Variants in CRACR2A observed in about 807,000 individuals in gnomAD.
The protein encoded by CRACR2A is EF-hand calcium-binding domain-containing protein 4B.
Under a neutral mutation model 90.5 loss-of-function variants are expected in CRACR2A, and 79 were observed. The observed-to-expected ratio is 0.87, with a 90% CI of 0.73 to 1.05. CRACR2A has a LOEUF of 1.05. CRACR2A is among the 50% of genes least tolerant of loss of function. The pLI is 0.00. For missense variants in CRACR2A, 823 were observed against 897.2 expected (o/e 0.92, Z 1.06); for synonymous variants, 338 against 356.7 (o/e 0.95, Z 0.59).
intron 6 of CRACR2A, 107 bp from the exon 7 acceptor site, chr12:3,673,699 C>T (rs1421646114): frequency 1.1e-5 from 15 of 1,405,574 alleles, no homozygotes; most frequent in Middle Eastern, 2.6e-4. Context: ...CCGTCAGAAT[C>T]ATTATAAAGA....
At chr12:3,654,819 T>C (rs1944868528) in intron 9 of CRACR2A, among the ~76,000 whole-genome samples, 1 of 152,216 alleles carries the variant, frequency 6.6e-6, no homozygotes. Context: ...CATAAAACCA[T>C]CCTTCCCAAT....
At chr12:3,659,699 C>A in intron 7 of CRACR2A, 45 bp from the exon 8 acceptor site, 2 of 1,496,506 alleles carry the variant, frequency 1.3e-6, no homozygotes, top group South Asian at 1.1e-5. Flanking sequence ...TTCCCCTACT[C>A]CACAGCGGTA....
At position 3,641,840 on chromosome 12, in the gene CRACR2A, T is replaced by A; in HGVS notation, c.1165-2A>T. ...GTTTGCCTTGGCTGCCTTATTTTTC[T>A]GTAGAAACACAAAATGTCCTCAGAT... On this transcript the variant is annotated splice_acceptor_variant, in intron 12 of 19. Coordinates refer to ENST00000440314, the MANE Select transcript of CRACR2A (RefSeq NM_001144958.2). LOFTEE classifies it high-confidence loss of function. 6.4e-7 allele frequency: 1 copy of A among 1,551,640 alleles called. No individual in the cohort carries two copies. Among genetic ancestry groups the A allele is most frequent in the Non-Finnish European group, 8.7e-7 (1 of 1,146,920 alleles).
At chr12:3,656,652 A>G (rs1383457911) in intron 8 of CRACR2A, among the ~76,000 whole-genome samples, 1 of 152,156 alleles carries the variant, frequency 6.6e-6, no homozygotes. Context: ...GCCATGTTCA[A>G]TGACTGTGCA....
chr12:3,638,106 G>A lies in CRACR2A; in HGVS notation c.1602+18C>T. On this transcript the variant is annotated intron_variant, in intron 14 of 19. Coordinates refer to ENST00000440314, the MANE Select transcript of CRACR2A (RefSeq NM_001144958.2). ...CATAGAAGTGATGTGCATGAACCAA[G>A]GTAGGCTGTGCCCTTACCTTACACA... The A allele has an allele frequency of 1.3e-6, 2 of 1,527,006 alleles. No homozygotes were observed. Among genetic ancestry groups the A allele is most frequent in the Non-Finnish European group, 1.8e-6 (2 of 1,131,042 alleles). 94.6% of individuals were successfully genotyped at this position (1,527,006 alleles called of 1,614,324 possible).
chr12:3,726,584 G>A (rs908719516), intron 2 of CRACR2A: 2 of 152,062 alleles, frequency 1.3e-5, no homozygotes, highest in African/African-American at 4.8e-5. Flanking sequence ...TATGATAACA[G>A]GAAGAAGGAA....
chr12:3,740,344 G>A (rs757005887), intron 1 of CRACR2A, among the ~76,000 whole-genome samples: 12 of 147,242 alleles, frequency 8.1e-5, no homozygotes, highest in Non-Finnish European at 1.5e-4. Flanking sequence ...CAACACTTCC[G>A]GGGAAACAGA....
rs1944637103 is a variant in CRACR2A at position 3,643,997 on chromosome 12, A to C, written c.1164+598T>G. On this transcript the variant is annotated intron_variant, in intron 12 of 19. Transcript: ENST00000440314. The stretch of plus-strand genomic sequence containing the variant: ...TCATCCGTTAATACTAGAGGTGGAG[A>C]GGGCAGTCCAGATGACCTCAAAGTG... Among the ~76,000 whole-genome samples, 4 of 136,502 alleles carry C rather than the reference A, an allele frequency of 2.9e-5. No homozygotes were observed. The South Asian group carries it at 9.0e-4, about 31-fold the overall frequency. The allele number at this position is 136,502 out of a possible 152,430, so 89.6% of individuals were successfully genotyped here. A position where few individuals can be genotyped will look rare whatever the true frequency, so the allele number is the denominator to read the frequency against.
chr12:3,631,678 T>G (rs749507294), intron 15 of CRACR2A, among the ~76,000 whole-genome samples: 2 of 152,128 alleles, frequency 1.3e-5, no homozygotes, highest in South Asian at 4.1e-4. Flanking sequence ...CTGGGTGAAG[T>G]TGAGCAGAAG....
intron 1 of CRACR2A, among the ~76,000 whole-genome samples, chr12:3,747,557 C>T (rs550417884): frequency 6.6e-6 from 1 of 152,346 alleles, no homozygotes; most frequent in South Asian, 2.1e-4. Flanking sequence ...ACTACAAATC[C>T]TGGACCTCAA....
At chr12:3,697,949 C>T (rs1945771467) in intron 3 of CRACR2A, among the ~76,000 whole-genome samples, 1 of 152,182 alleles carries the variant, frequency 6.6e-6, no homozygotes, top group African/African-American at 2.4e-5. Flanking sequence ...GGAAACCTGG[C>T]TTCTGGACTC....
At chr12:3,638,708 T>G (rs1250944234) in intron 13 of CRACR2A, among the ~76,000 whole-genome samples, 2 of 152,154 alleles carry the variant, frequency 1.3e-5, no homozygotes, top group Non-Finnish European at 2.9e-5. Flanking sequence ...AAGTATTAAG[T>G]AAAGATGCCA....
At chr12:3,654,140 G>T in intron 10 of CRACR2A, 72 bp downstream of exon 10, 1 of 1,546,724 alleles carries the variant, frequency 6.5e-7, no homozygotes, top group Non-Finnish European at 8.7e-7. Flanking sequence ...GTCTCTGAGC[G>T]GCGAGGGGAC....
intron 1 of CRACR2A, among the ~76,000 whole-genome samples, chr12:3,741,809 G>A (rs1312828957): frequency 1.3e-5 from 2 of 152,216 alleles, no homozygotes; most frequent in East Asian, 3.8e-4. Context: ...AGGAGGATAG[G>A]AGACATGGCT....
chr12:3,734,598 C>T (rs1235954063), intron 1 of CRACR2A, among the ~76,000 whole-genome samples: 1 of 150,444 alleles, frequency 6.6e-6, no homozygotes, highest in Non-Finnish European at 1.5e-5. Flanking sequence ...CATCAACAGA[C>T]GAATGGATAA....
intron 4 of CRACR2A, among the ~76,000 whole-genome samples, chr12:3,695,781 A>G (rs1254663685): frequency 6.6e-6 from 1 of 152,232 alleles, no homozygotes; most frequent in Non-Finnish European, 1.5e-5. Context: ...AGGGGAAAAG[A>G]GCTGCTTTCA....
intron 12 of CRACR2A, among the ~76,000 whole-genome samples, chr12:3,643,814 T>TA (rs1565470836): frequency 2.1e-5 from 2 of 95,296 alleles, no homozygotes; most frequent in African/African-American, 7.4e-5. Flanking sequence ...ATTATATATA[T>TA]ATTTATATTA....
intron 6 of CRACR2A, among the ~76,000 whole-genome samples, chr12:3,675,029 G>A (rs930062051): frequency 5.3e-5 from 8 of 152,016 alleles, no homozygotes; most frequent in Admixed American, 2.0e-4. Context: ...TATGACCCTC[G>A]TTTTATGAGG....
chr12:3,713,115 G>T, intron 3 of CRACR2A, 122 bp downstream of exon 3: 1 of 289,368 alleles, frequency 3.5e-6, no homozygotes, highest in Non-Finnish European at 5.2e-6. Flanking sequence ...GCCCACTGCT[G>T]ATCCTCATGA....
Sources: gnomAD v4.1 joint callset for allele counts (sites outside exome capture counted in the v4.1 genomes callset) on GRCh38, gnomAD v4.1.1 for gene constraint, MANE v1.5 for transcripts, NCBI Gene and HGNC (gene_info 2026-07-23, HGNC 2026-07-21) for gene names.